Variants in ARID5A observed in about 807,000 individuals in gnomAD.
ARID5A encodes the protein AT-rich interaction domain 5A, also known as AT-rich interactive domain-containing protein 5A.
A neutral mutation model predicts 30.5 loss-of-function variants in ARID5A; 14 were observed. That is an observed-to-expected ratio of 0.46 (90% confidence interval 0.30 to 0.72). The LOEUF is 0.72. Ranked by LOEUF, ARID5A falls within the 30% of genes least tolerant of loss-of-function variation. The pLI is 0.07. For synonymous variants in ARID5A, 338 were observed against 340.4 expected, an observed-to-expected ratio of 0.99 and a Z score of 0.08; for missense variants, 669 against 786.2, an observed-to-expected ratio of 0.85 and a Z score of 1.78.
Position 96,550,961 on chromosome 2 carries a change from G to A in ARID5A, c.571-138G>A. 1 of 1,234,118 alleles carries A rather than the reference G, an allele frequency of 8.1e-7. No individual in the cohort carries two copies. The highest frequency in any genetic ancestry group is 1.1e-6 in the Non-Finnish European group (1 of 888,368). The allele number at this position is 1,234,118 out of a possible 1,614,324, so 76.4% of individuals were successfully genotyped here. On this transcript the variant is annotated intron_variant, in intron 6 of 6. Transcript: ENST00000357485. This position sits in a 1 kb window ranked among gnomAD's most constrained non-coding sequence, Gnocchi z 6.6. ...AGGCTGTGTCCACTCAGAGGACAGG[G>A]CACCTTTGGAAAATTCTGTACAGAG...
At chr2:96,545,288 C>T (rs2065909930) in intron 1 of ARID5A, among the ~76,000 whole-genome samples, 1 of 151,546 alleles carries the variant, frequency 6.6e-6, no homozygotes, top group African/African-American at 2.4e-5. Context: ...TCCTGAGTTG[C>T]TGGGACTACT....
At position 96,542,535 on chromosome 2, in the gene ARID5A, C is replaced by T. The variant is rs1272839327; in HGVS notation, c.5-4867C>T. Among the ~76,000 whole-genome samples, 22 of 152,192 alleles carry T rather than the reference C, an allele frequency of 1.4e-4. 1 individual carries two copies. The highest frequency in any genetic ancestry group is 1.4e-3 in the Admixed American group (22 of 15,272). On this transcript the variant is annotated intron_variant, in intron 1 of 6. Coordinates refer to ENST00000357485, the MANE Select transcript of ARID5A (RefSeq NM_212481.3). ...AACCATGCAGAAGGGACTAGGGCCC[C>T]TCTCGCCCTGTGGCTCACAACCTGG...
At chr2:96,538,745 G>A (rs1206533472) in intron 1 of ARID5A, among the ~76,000 whole-genome samples, 1 of 152,230 alleles carries the variant, frequency 6.6e-6, no homozygotes, top group Non-Finnish European at 1.5e-5. Context: ...GAGGGGGCGG[G>A]GCGGCGTCTG....
At chr2:96,541,070 G>A (rs1308340392) in intron 1 of ARID5A, among the ~76,000 whole-genome samples, 41 of 135,296 alleles carry the variant, frequency 3.0e-4, no homozygotes, top group Middle Eastern at 5.7e-3. Context: ...AAGGAATCTC[G>A]CTCTGTCGCC....
In ARID5A at chr2:96,551,575, C is replaced by T. The variant is rs765934444; in HGVS notation, c.1047C>T (p.Thr349=). 90 of 1,595,064 alleles carry T rather than the reference C, an allele frequency of 5.6e-5. No homozygotes were observed. Among genetic ancestry groups the T allele is most frequent in the Non-Finnish European group, 7.3e-5 (86 of 1,173,376 alleles). The change falls in exon 7 of 7, where the codon ACC becomes ACT. Residue 349 remains threonine, a synonymous_variant. Transcript: ENST00000357485. ...IFKGCFYTHP[T]EVLKPVSQHP... ...AGGGCTGCTTCTACACCCACCCCAC[C>T]GAGGTGCTGAAGCCTGTCAGCCAGC...
At chr2:96,545,263 T>G (rs983496283) in intron 1 of ARID5A, among the ~76,000 whole-genome samples, 1 of 151,498 alleles carries the variant, frequency 6.6e-6, no homozygotes, top group Non-Finnish European at 1.5e-5. Context: ...TTCAAAGGAT[T>G]CTCCTGCCTC....
intron 1 of ARID5A, chr2:96,538,079 T>C: frequency 1.0e-6 from 1 of 985,460 alleles, no homozygotes. Context: ...AATCCAGGCC[T>C]TAGGGACCCG....
At position 96,537,136 on chromosome 2, in the gene ARID5A, C is replaced by T. The variant is rs1365227542; in HGVS notation, c.4+306C>T. Among the ~76,000 whole-genome samples the T allele has an allele frequency of 2.6e-5, 4 of 152,210 alleles. No individual in the cohort carries two copies. Among genetic ancestry groups the T allele is most frequent in the African/African-American group, 9.6e-5 (4 of 41,464 alleles). On this transcript the variant is annotated intron_variant, in intron 1 of 6. Coordinates refer to ENST00000357485, the MANE Select transcript of ARID5A (RefSeq NM_212481.3). The surrounding 1 kb of genome is among the most constrained non-coding windows in gnomAD (Gnocchi z 4.8). The stretch of plus-strand genomic sequence containing the variant: ...TTTATCTCGAAACTCTTTTCGCCGT[C>T]TCTTGCCTGAAATATGCCGAGCCCG...
chr2:96,549,307 T>C lies in ARID5A; in HGVS notation c.121-14T>C. On this transcript the variant is annotated splice_polypyrimidine_tract_variant and intron_variant, in intron 2 of 6. Transcript: ENST00000357485. This position sits in a 1 kb window ranked among gnomAD's most constrained non-coding sequence, Gnocchi z 6.1. ...AACTGGGGCCCATCCCAATGCCTCC[T>C]GTTCTCTCCCCAGGACTCCCCCGAG... The C allele has an allele frequency of 6.2e-7, 1 of 1,610,022 alleles. No homozygotes were observed. The highest frequency in any genetic ancestry group is 1.7e-5 in the Admixed American group (1 of 59,396).
Position 96,549,218 on chromosome 2 carries a change from T to TGGGGTA in ARID5A, c.121-100_121-95dup. The TGGGGTA allele has an allele frequency of 6.5e-6, 10 of 1,527,210 alleles. No homozygotes were observed. The highest frequency in any genetic ancestry group is 1.4e-5 in the African/African-American group (1 of 72,228). The allele number at this position is 1,527,210 out of a possible 1,614,324, so 94.6% of individuals were successfully genotyped here. ...TAGGTGTTCTCTGGGAAACTGGGGT[T>TGGGGTA]GGGGTAGGTACCTTATTCCTCCTGC... On this transcript the variant is annotated intron_variant, in intron 2 of 6. Coordinates refer to ENST00000357485, the MANE Select transcript of ARID5A (RefSeq NM_212481.3). The surrounding 1 kb of genome is among the most constrained non-coding windows in gnomAD (Gnocchi z 6.1).
chr2:96,539,882 G>A lies in ARID5A; in HGVS notation c.4+3052G>A, dbSNP rs1008820407. Among the ~76,000 whole-genome samples the A allele has an allele frequency of 4.6e-5, 7 of 152,216 alleles. No homozygotes were observed. The highest frequency in any genetic ancestry group is 1.7e-4 in the African/African-American group (7 of 41,446). ...CTACTTGGGGAAAGGGGACAAGTTT[G>A]CATCCTCTGAGCACAGATAAGGAAC... is the stretch of plus-strand genomic sequence containing the variant. On this transcript the variant is annotated intron_variant, in intron 1 of 6. Transcript: ENST00000357485. The surrounding 1 kb of genome is among the most constrained non-coding windows in gnomAD (Gnocchi z 4.7).
Position 96,539,439 on chromosome 2 carries a change from ACT to A in ARID5A, c.4+2613_4+2614del, listed in dbSNP as rs1304814311. 6.6e-6 allele frequency among the ~76,000 whole-genome samples: 1 copy of A among 151,916 alleles called. No individual in the cohort carries two copies. The highest frequency in any genetic ancestry group is 1.5e-5 in the Non-Finnish European group (1 of 67,950). On this transcript the variant is annotated intron_variant, in intron 1 of 6. Coordinates refer to ENST00000357485, the MANE Select transcript of ARID5A (RefSeq NM_212481.3). The surrounding 1 kb of genome is among the most constrained non-coding windows in gnomAD (Gnocchi z 4.7). The stretch of plus-strand genomic sequence containing the variant: ...AGACATCTTAAGTTTGTCTTCAGTG[ACT>A]CTCAACCACCGCCCGACTGCCTTCA...
At chr2:96,536,900 C>T (rs2104646832) in intron 1 of ARID5A, 70 bp downstream of exon 1, 1 of 1,223,152 alleles carries the variant, frequency 8.2e-7, no homozygotes, top group Non-Finnish European at 1.0e-6. Context: ...GGTGCCGGCG[C>T]CGGGTCCCCT....
At position 96,549,344 on chromosome 2, in the gene ARID5A, G is replaced by A; in HGVS notation, c.144G>A (p.Glu48=). 1.9e-6 allele frequency: 3 copies of A among 1,613,264 alleles called. No homozygotes were observed. Among genetic ancestry groups the A allele is most frequent in the Non-Finnish European group, 2.5e-6 (3 of 1,179,898 alleles). The change falls in exon 3 of 7, where the codon GAG becomes GAA. Residue 48 remains glutamate, a synonymous_variant. Transcript: ENST00000357485. This position sits in a 1 kb window ranked among gnomAD's most constrained non-coding sequence, Gnocchi z 6.1. The part of the protein sequence containing the change: ...SLEDSPEAGG[E]REEEQEREEE... Reference sequence around the variant, plus strand: ...AGGACTCCCCCGAGGCAGGCGGGGAGCGGGAGGAGGAGCAGGAGCGGGAGG... The same window carrying A: ...AGGACTCCCCCGAGGCAGGCGGGGAACGGGAGGAGGAGCAGGAGCGGGAGG...
Position 96,551,460 on chromosome 2 carries a change from G to A in ARID5A, c.932G>A (p.Arg311Gln), listed in dbSNP as rs202219610. The A allele has an allele frequency of 6.5e-4, 1,036 of 1,590,170 alleles. 10 individuals are homozygous for A. The South Asian group carries it at 6.7e-3, about 10-fold the overall frequency. ...PKGLTENSRH[R>Q]LTPQEGLQAP... ...GGGCTGACTGAGAACTCCAGGCACC[G>A]GCTGACCCCTCAGGAGGGATTGCAG... is the stretch of plus-strand genomic sequence containing the variant. Residue 311 changes from arginine to glutamine, a missense_variant, in exon 7 of 7, where the codon CGG becomes CAG. By Grantham distance (43) the Arg-to-Gln change is conservative. Coordinates refer to ENST00000357485, the MANE Select transcript of ARID5A (RefSeq NM_212481.3).
intron 2 of ARID5A, among the ~76,000 whole-genome samples, chr2:96,547,862 C>T (rs1000780105): frequency 6.6e-6 from 1 of 152,230 alleles, no homozygotes; most frequent in Non-Finnish European, 1.5e-5. Context: ...AAGACTGTTT[C>T]GATGAGCACA....
rs1057383329 is a variant in ARID5A, at chr2:96,539,729, C to A, written c.4+2899C>A. Among the ~76,000 whole-genome samples, 33 of 151,264 alleles carry A rather than the reference C, an allele frequency of 2.2e-4. No homozygotes were observed. Among genetic ancestry groups the A allele is most frequent in the Admixed American group, 5.2e-4 (8 of 15,266 alleles). Reference sequence around the variant, plus strand: ...GCCATGCCCCTTCCCGGCCCTCCCCCTCTCCCCGCTGCTGCCCAGCTCTCT... The same window carrying A: ...GCCATGCCCCTTCCCGGCCCTCCCCATCTCCCCGCTGCTGCCCAGCTCTCT... On this transcript the variant is annotated intron_variant, in intron 1 of 6. Transcript: ENST00000357485. The surrounding 1 kb of genome is among the most constrained non-coding windows in gnomAD (Gnocchi z 4.7).
Position 96,552,526 on chromosome 2 carries a change from G to C in ARID5A, c.*213G>C. On this transcript the variant is annotated 3_prime_UTR_variant, in exon 7 of 7. Coordinates refer to ENST00000357485, the MANE Select transcript of ARID5A (RefSeq NM_212481.3). ...GAGCCCAGGAGCAGAGGACCCAGTTGTTATAAGGCGCTGGGAGAGGATGGG... is the reference window on the plus strand; with the variant it reads ...GAGCCCAGGAGCAGAGGACCCAGTTCTTATAAGGCGCTGGGAGAGGATGGG... 3.3e-6 allele frequency: 5 copies of C among 1,532,358 alleles called. No individual in the cohort carries two copies. Among genetic ancestry groups the C allele is most frequent in the Non-Finnish European group, 3.5e-6 (4 of 1,144,980 alleles). 94.9% of individuals were successfully genotyped at this position (1,532,358 alleles called of 1,614,324 possible).
intron 1 of ARID5A, among the ~76,000 whole-genome samples, chr2:96,540,479 G>A (rs1214817599): frequency 6.6e-6 from 1 of 152,188 alleles, no homozygotes; most frequent in Non-Finnish European, 1.5e-5. Flanking sequence ...TCGCAGGGGG[G>A]CTTTTGTGGA....
Sources: gnomAD v4.1 joint callset for allele counts (sites outside exome capture counted in the v4.1 genomes callset) on GRCh38, gnomAD v4.1.1 for gene constraint, Gnocchi (gnomAD v3.1) non-coding constraint, MANE v1.5 for transcripts, NCBI Gene and HGNC (gene_info 2026-07-23, HGNC 2026-07-21) for gene names.